PADI3: variants seen among roughly 807,000 people sequenced by gnomAD.
PADI3 encodes the protein protein-arginine deiminase type-3.
In PADI3, 53 loss-of-function variants were observed where a neutral mutation model predicts 71.5. The ratio of observed to expected loss-of-function variants is 0.74; its 90% confidence interval spans 0.59 to 0.93. The LOEUF (loss-of-function observed/expected upper bound fraction) is 0.93. Ranked by LOEUF, PADI3 falls within the 40% of genes least tolerant of loss-of-function variation. The pLI, the probability that PADI3 is intolerant of heterozygous loss-of-function variation, is 0.00. For missense variants in PADI3, 821 were observed against 868.0 expected (o/e 0.95, Z 0.68); for synonymous variants, 361 against 347.5 (o/e 1.04, Z -0.43).
At chr1:17,257,874 G>A (rs1569881511) in intron 1 of PADI3, among the ~76,000 whole-genome samples, 1 of 152,338 alleles carries the variant, frequency 6.6e-6, no homozygotes, top group Admixed American at 6.5e-5. Flanking sequence ...GTGAGGATCA[G>A]ATGAGCTAAT....
intron 13 of PADI3, 50 bp downstream of exon 13, chr1:17,276,926 A>G (rs754738994): frequency 1.4e-6 from 2 of 1,467,582 alleles, no homozygotes; most frequent in African/African-American, 1.4e-5. Flanking sequence ...CCCCTTACCC[A>G]AATTAAGACA....
At chr1:17,260,417 A>G (rs1475489006) in intron 2 of PADI3, among the ~76,000 whole-genome samples, 2 of 152,146 alleles carry the variant, frequency 1.3e-5, no homozygotes, top group African/African-American at 4.8e-5. Flanking sequence ...GATCCACTCC[A>G]TGTCAGGAGC....
Position 17,282,838 on chromosome 1 carries a change from G to C in PADI3, c.1762-8G>C. On this transcript the variant is annotated splice_polypyrimidine_tract_variant and splice_region_variant and intron_variant, in intron 15 of 15. Coordinates refer to ENST00000375460, the MANE Select transcript of PADI3 (RefSeq NM_016233.2). ...GTGATGAAGTGCTGCTTCCCCTTTG[G>C]ACTGCAGGTGAACATGCTGGTGCTG... The C allele has an allele frequency of 6.2e-7, 1 of 1,601,280 alleles. No individual in the cohort carries two copies. Among genetic ancestry groups the C allele is most frequent in the African/African-American group, 1.3e-5 (1 of 74,776 alleles).
chr1:17,273,260 C>T, intron 9 of PADI3, 80 bp from the exon 10 acceptor site: 1 of 1,117,058 alleles, frequency 9.0e-7, no homozygotes, highest in African/African-American at 1.6e-5. Flanking sequence ...GCAGTCTGCC[C>T]CACAGGGCTC....
At chr1:17,269,152 T>C (rs887681820) in intron 6 of PADI3, among the ~76,000 whole-genome samples, 2 of 152,104 alleles carry the variant, frequency 1.3e-5, no homozygotes, top group Admixed American at 1.3e-4. Context: ...CTCAAAGTAC[T>C]AGGATTATAG....
intron 9 of PADI3, among the ~76,000 whole-genome samples, chr1:17,272,318 G>C (rs1345009611): frequency 6.6e-6 from 1 of 152,124 alleles, no homozygotes; most frequent in Non-Finnish European, 1.5e-5. Context: ...GTTGAGGTCG[G>C]AGACCTTGAA....
intron 1 of PADI3, among the ~76,000 whole-genome samples, chr1:17,253,997 G>A (rs943016250): frequency 2.0e-5 from 3 of 152,198 alleles, no homozygotes; most frequent in Non-Finnish European, 4.4e-5. Context: ...GATTTTGTTT[G>A]ATGCGAGAGC....
chr1:17,265,759 G>C, intron 4 of PADI3, 39 bp downstream of exon 4: 1 of 1,578,806 alleles, frequency 6.3e-7, no homozygotes, highest in East Asian at 2.2e-5. Flanking sequence ...CAGGAGTGCA[G>C]TTGGAGCTTG....
At chr1:17,259,824 C>A (rs2073081783) in intron 2 of PADI3, 66 bp downstream of exon 2, 1 of 1,385,602 alleles carries the variant, frequency 7.2e-7, no homozygotes, top group Non-Finnish European at 9.9e-7. Context: ...TCTAGGAGGG[C>A]CCAACATTCT....
Position 17,274,615 on chromosome 1 carries a change from G to C in PADI3, c.1156-20G>C. ...TTCCTGGTACCCTCCACCCCCGCCT[G>C]ACTTGGTTTCCCTCTCCAGGGTCCA... On this transcript the variant is annotated intron_variant, in intron 10 of 15. Coordinates refer to ENST00000375460, the MANE Select transcript of PADI3 (RefSeq NM_016233.2). 2 of 1,601,918 alleles carry C rather than the reference G, an allele frequency of 1.2e-6. No homozygotes were observed. Among genetic ancestry groups the C allele is most frequent in the South Asian group, 2.2e-5 (2 of 90,008 alleles).
chr1:17,271,232 G>A, intron 9 of PADI3, 54 bp downstream of exon 9: 2 of 1,442,818 alleles, frequency 1.4e-6, no homozygotes, highest in East Asian at 2.4e-5. Flanking sequence ...GGAGAGAGAG[G>A]CCTTCATTTG....
In PADI3 at chr1:17,274,709, G is replaced by A. The variant is rs771589288; in HGVS notation, c.1230G>A (p.Leu410=). ...GTGGCCTGGACTCCTTTGGGAACCT[G>A]GAGGTCAGCCCTCCAGTGGTGGCCA... The part of the protein sequence containing the change: ...SVSGLDSFGN[L]EVSPPVVANG... Residue 410 remains leucine (L), a synonymous_variant, in exon 11 of 16, where the codon CTG becomes CTA. Coordinates refer to ENST00000375460, the MANE Select transcript of PADI3 (RefSeq NM_016233.2). 27 of 1,613,832 alleles carry A rather than the reference G, an allele frequency of 1.7e-5. No homozygotes were observed. Among genetic ancestry groups the A allele is most frequent in the Admixed American group, 1.3e-4 (8 of 59,964 alleles).
intron 1 of PADI3, among the ~76,000 whole-genome samples, 169 bp from the exon 2 acceptor site, chr1:17,259,409 A>ATGT (rs1346741881): frequency 1.3e-5 from 2 of 152,074 alleles, no homozygotes; most frequent in Non-Finnish European, 2.9e-5. Context: ...GACTGTGTAT[A>ATGT]TGTTTGTGTG....
At chr1:17,271,992 C>T (rs988481937) in intron 9 of PADI3, among the ~76,000 whole-genome samples, 7 of 152,178 alleles carry the variant, frequency 4.6e-5, no homozygotes, top group Non-Finnish European at 5.9e-5. Context: ...AGCATCTGAG[C>T]TGGACCAGAT....
At position 17,249,331 on chromosome 1, in the gene PADI3, G is replaced by A. The variant is rs2072938112; in HGVS notation, c.92+102G>A. 8.4e-6 allele frequency: 8 copies of A among 952,910 alleles called. No homozygotes were observed. The Admixed American group carries it at 1.4e-4, about 17-fold the overall frequency. 59.0% of individuals were successfully genotyped at this position (952,910 alleles called of 1,614,324 possible). ...GGGCTTCTTCAGGGCCCACTCCCCA[G>A]CCTTGGCCTCGGAACAGCAGCCAAT... On this transcript the variant is annotated intron_variant, in intron 1 of 15. Transcript: ENST00000375460.
intron 2 of PADI3, among the ~76,000 whole-genome samples, chr1:17,260,708 C>T (rs1409912902): frequency 1.3e-5 from 2 of 152,208 alleles, no homozygotes; most frequent in Admixed American, 1.3e-4. Flanking sequence ...ACCCAATGAA[C>T]CCATTTAATA....
chr1:17,274,235 G>A (rs1367540032), intron 10 of PADI3, among the ~76,000 whole-genome samples: 5 of 79,880 alleles, frequency 6.3e-5, no homozygotes, highest in Non-Finnish European at 1.2e-4. Context: ...GGCCCAGAGG[G>A]CCATCAGCAG....
chr1:17,259,819 G>T, intron 2 of PADI3, 61 bp downstream of exon 2: 1 of 1,435,562 alleles, frequency 7.0e-7, no homozygotes, highest in Non-Finnish European at 9.5e-7. Context: ...CTAGCTCTAG[G>T]AGGGCCCAAC....
intron 3 of PADI3, among the ~76,000 whole-genome samples, chr1:17,264,635 G>A (rs949086186): frequency 2.6e-5 from 4 of 152,096 alleles, no homozygotes; most frequent in South Asian, 2.1e-4. Flanking sequence ...GTTCTTTTGC[G>A]TTGGGCGTCT....
Sources: gnomAD v4.1 joint callset for allele counts (sites outside exome capture counted in the v4.1 genomes callset) on GRCh38, gnomAD v4.1.1 for gene constraint, MANE v1.5 for transcripts, NCBI Gene and HGNC (gene_info 2026-07-23, HGNC 2026-07-21) for gene names.